PALMD: variants seen among roughly 807,000 people sequenced by gnomAD.
The protein encoded by PALMD is palmdelphin.
PALMD carries 42 observed loss-of-function variants against 56.2 expected under a neutral mutation model. That is an observed-to-expected ratio of 0.75 (90% CI 0.58 to 0.97). The LOEUF (loss-of-function observed/expected upper bound fraction) is 0.97. Ranked by LOEUF, PALMD falls within the 50% of genes least tolerant of loss-of-function variation. The pLI is 0.00. For synonymous variants in PALMD, 242 were observed against 222.9 expected (o/e 1.09, Z -0.76); for missense variants, 660 against 643.8 (o/e 1.03, Z -0.27).
intron 3 of PALMD, among the ~76,000 whole-genome samples, chr1:99,674,182 C>T (rs1025447628): frequency 6.6e-6 from 1 of 152,234 alleles, no homozygotes; most frequent in Non-Finnish European, 1.5e-5. Flanking sequence ...CCCGACCTTT[C>T]AGCATTCATT....
Position 99,686,734 on chromosome 1 carries a change from G to T in PALMD, c.310G>T (p.Glu104Ter), listed in dbSNP as rs1196141590. The stretch of plus-strand genomic sequence containing the variant: ...TGAACTGCAAATCTCAACGAAGGAA[G>T]AGGCCATTTTAAAGAAACTAAAGTC... Reference protein sequence around the residue: ...KAELQISTKEEAILKKLKSIE... With the variant: ...KAELQISTKE The change falls in exon 4 of 8, where the codon GAG becomes TAG. Residue 104 changes from glutamate (E) to a stop codon, truncating the protein, a stop_gained. Transcript: ENST00000263174. LOFTEE classifies it high-confidence loss of function. 6.2e-7 allele frequency: 1 copy of T among 1,610,006 alleles called. No homozygotes were observed. The highest frequency in any genetic ancestry group is 8.5e-7 in the Non-Finnish European group (1 of 1,177,218).
intron 1 of PALMD, among the ~76,000 whole-genome samples, chr1:99,657,738 C>T (rs141220374): frequency 6.6e-6 from 1 of 152,248 alleles, no homozygotes; most frequent in African/African-American, 2.4e-5. Flanking sequence ...TAACTTCCTG[C>T]CACTCCCTAT....
At position 99,646,220 on chromosome 1, in the gene PALMD, C is replaced by T. The variant is rs1039302822; in HGVS notation, c.-98C>T. ...GGTGCAAAGAGCGGATTTCTCCCTGCTTCTCTTCTGTCACCCCCGCTCCTC... is the reference window on the plus strand; with the variant it reads ...GGTGCAAAGAGCGGATTTCTCCCTGTTTCTCTTCTGTCACCCCCGCTCCTC... On this transcript the variant is annotated 5_prime_UTR_variant, in exon 1 of 8. Transcript: ENST00000263174. 1 of 926,094 alleles carries T rather than the reference C, an allele frequency of 1.1e-6. No individual in the cohort carries two copies. Among genetic ancestry groups the T allele is most frequent in the Non-Finnish European group, 1.8e-6 (1 of 561,268 alleles). 57.4% of individuals were successfully genotyped at this position (926,094 alleles called of 1,614,324 possible).
At chr1:99,674,668 C>T (rs1381224110) in intron 3 of PALMD, among the ~76,000 whole-genome samples, 1 of 151,960 alleles carries the variant, frequency 6.6e-6, no homozygotes, top group Non-Finnish European at 1.5e-5. Flanking sequence ...AATGCATTTA[C>T]ATTTATTATC....
intron 1 of PALMD, among the ~76,000 whole-genome samples, chr1:99,647,586 T>G (rs144221399): frequency 1.3e-5 from 2 of 152,330 alleles, no homozygotes; most frequent in African/African-American, 4.8e-5. Context: ...TTATTGTTTG[T>G]TTTGTTTTGT....
rs767584990 is a variant in PALMD, at chr1:99,688,802, A to C, written c.542A>C (p.Glu181Ala). ...KALYAMEIKVEKDLKTGESTV... is the reference protein window; with the variant it reads ...KALYAMEIKVAKDLKTGESTV... Reference sequence around the variant, plus strand: ...TTATATGCCATGGAAATTAAAGTTGAAAAAGACTTGAAGACTGGAGAAAGT... The same window carrying C: ...TTATATGCCATGGAAATTAAAGTTGCAAAAGACTTGAAGACTGGAGAAAGT... The change falls in exon 7 of 8, where the codon GAA (glutamate) becomes GCA (alanine). Residue 181 changes from glutamate to alanine, a missense_variant. Physicochemically the swap from Glu to Ala is moderately radical, Grantham distance 107. Transcript: ENST00000263174. 1.3e-6 allele frequency: 2 copies of C among 1,599,598 alleles called. No individual in the cohort carries two copies. The highest frequency in any genetic ancestry group is 1.7e-6 in the Non-Finnish European group (2 of 1,173,202).
At chr1:99,662,851 T>C (rs1190855301) in intron 2 of PALMD, among the ~76,000 whole-genome samples, 1 of 152,208 alleles carries the variant, frequency 6.6e-6, no homozygotes, top group Non-Finnish European at 1.5e-5. Flanking sequence ...AGTCCAATGT[T>C]GTTTGAGTAT....
chr1:99,657,602 C>T lies in PALMD; in HGVS notation c.46-4717C>T, dbSNP rs78489017. Reference sequence around the variant, plus strand: ...TCAACTTCTGAAAACATGCTTTTAACTCTATCATTCTTCTTCCCCTGAAAA... The same window carrying T: ...TCAACTTCTGAAAACATGCTTTTAATTCTATCATTCTTCTTCCCCTGAAAA... On this transcript the variant is annotated intron_variant, in intron 1 of 7. Transcript: ENST00000263174. Among the ~76,000 whole-genome samples the T allele has an allele frequency of 2.0e-4, 31 of 152,172 alleles. No individual in the cohort carries two copies. The East Asian group carries it at 6.0e-3, about 29-fold the overall frequency.
intron 2 of PALMD, among the ~76,000 whole-genome samples, chr1:99,665,181 G>A (rs1481203046): frequency 1.3e-5 from 2 of 152,022 alleles, no homozygotes; most frequent in South Asian, 4.1e-4. Flanking sequence ...CTACTCTACT[G>A]TAACTTCTGG....
intron 3 of PALMD, among the ~76,000 whole-genome samples, chr1:99,672,896 T>TTCTG (rs1406757481): frequency 2.0e-5 from 3 of 152,166 alleles, no homozygotes; most frequent in Non-Finnish European, 4.4e-5. Flanking sequence ...TCTGACCTTC[T>TTCTG]GCCTTCTTTT....
intron 3 of PALMD, among the ~76,000 whole-genome samples, chr1:99,676,898 T>C (rs565128960): frequency 2.0e-4 from 31 of 152,334 alleles, no homozygotes; most frequent in African/African-American, 7.2e-4. Flanking sequence ...GAAATATCTT[T>C]AACCTCTGAC....
At chr1:99,687,531 T>C (rs984407397) in intron 6 of PALMD, among the ~76,000 whole-genome samples, 5 of 152,186 alleles carry the variant, frequency 3.3e-5, no homozygotes, top group African/African-American at 1.2e-4. Flanking sequence ...AAGATCTTTT[T>C]TGAAAATGAA....
intron 3 of PALMD, among the ~76,000 whole-genome samples, chr1:99,678,292 A>G (rs1026530510): frequency 1.3e-5 from 2 of 151,820 alleles, no homozygotes; most frequent in Non-Finnish European, 2.9e-5. Flanking sequence ...TTTAGTAGAG[A>G]CAAGGTTTCA....
chr1:99,657,384 T>G (rs765307582), intron 1 of PALMD, among the ~76,000 whole-genome samples: 1 of 152,216 alleles, frequency 6.6e-6, no homozygotes, highest in Admixed American at 6.5e-5. Flanking sequence ...TCTGACACTT[T>G]CCTTTTCCTC....
intron 1 of PALMD, among the ~76,000 whole-genome samples, chr1:99,661,291 A>G (rs1338572): frequency 0.53 from 80,503 of 152,050 alleles, 21,560 homozygotes; most frequent in Middle Eastern, 0.62. Context: ...ACCTTTTTGC[A>G]TAACTAGTCA....
At chr1:99,688,318 T>G (rs906316369) in intron 6 of PALMD, among the ~76,000 whole-genome samples, 3 of 152,166 alleles carry the variant, frequency 2.0e-5, no homozygotes, top group Non-Finnish European at 4.4e-5. Flanking sequence ...GGATGTAACT[T>G]TATAAAATAT....
At chr1:99,684,952 T>G (rs1571074537) in intron 3 of PALMD, 2 of 152,208 alleles carry the variant, frequency 1.3e-5, no homozygotes, top group East Asian at 3.9e-4. Flanking sequence ...GAAGCAATGA[T>G]TTGAACCTTC....
chr1:99,690,013 G>A, intron 7 of PALMD, 141 bp downstream of exon 7: 1 of 655,942 alleles, frequency 1.5e-6, no homozygotes, highest in Admixed American at 3.1e-5. Flanking sequence ...TGCTGATAGA[G>A]ATTATTATCA....
chr1:99,673,760 G>A (rs992117118), intron 3 of PALMD, among the ~76,000 whole-genome samples: 1 of 152,108 alleles, frequency 6.6e-6, no homozygotes, highest in Non-Finnish European at 1.5e-5. Context: ...AAAAAGGGAA[G>A]AAGTCTACCC....
Sources: allele counts gnomAD v4.1 joint callset (sites outside exome capture counted in the v4.1 genomes callset), GRCh38; gene constraint gnomAD v4.1.1; transcripts MANE v1.5; gene names NCBI Gene and HGNC (gene_info 2026-07-23, HGNC 2026-07-21).